EBF1: variants seen among roughly 807,000 people sequenced by gnomAD.
The protein encoded by EBF1 is transcription factor COE1.
Under a neutral mutation model 68.4 loss-of-function variants are expected in EBF1, and 10 were observed. The ratio of observed to expected loss-of-function variants is 0.15; its 90% CI spans 0.09 to 0.25. The LOEUF is 0.25. EBF1 is among the 10% of genes least tolerant of loss of function. EBF1 has a pLI of 1.00. For synonymous variants in EBF1, 298 were observed against 299.8 expected (o/e 0.99, Z 0.06); for missense variants, 509 against 794.4 (o/e 0.64, Z 4.32).
At chr5:158,949,631 C>A (rs747085343) in intron 6 of EBF1, among the ~76,000 whole-genome samples, 2 of 152,144 alleles carry the variant, frequency 1.3e-5, no homozygotes, top group Admixed American at 6.5e-5. Flanking sequence ...TGACCCACAC[C>A]CAATCTAGAC....
At chr5:158,980,945 A>G (rs1265950371) in intron 6 of EBF1, among the ~76,000 whole-genome samples, 3 of 152,234 alleles carry the variant, frequency 2.0e-5, no homozygotes, top group East Asian at 1.9e-4. Flanking sequence ...AGGCTATAAT[A>G]TAATTGCTAA....
intron 6 of EBF1, among the ~76,000 whole-genome samples, chr5:158,961,070 A>T (rs962358148): frequency 6.6e-6 from 1 of 152,250 alleles, no homozygotes; most frequent in Non-Finnish European, 1.5e-5. Flanking sequence ...CAAAAACACA[A>T]AGAAAAATAT....
intron 6 of EBF1, among the ~76,000 whole-genome samples, chr5:158,946,340 C>T (rs536621060): frequency 6.6e-6 from 1 of 152,264 alleles, no homozygotes; most frequent in African/African-American, 2.4e-5. Flanking sequence ...TTGGTCTTTG[C>T]TATTGGTGAC....
chr5:158,762,870 T>C (rs990947876), intron 10 of EBF1, among the ~76,000 whole-genome samples: 3 of 151,992 alleles, frequency 2.0e-5, no homozygotes, highest in East Asian at 3.9e-4. Context: ...CATGGAAAAA[T>C]TGAATGATAC....
chr5:159,000,516 C>T (rs1762326992), intron 6 of EBF1, among the ~76,000 whole-genome samples: 1 of 152,142 alleles, frequency 6.6e-6, no homozygotes, highest in Non-Finnish European at 1.5e-5. Flanking sequence ...TATGGCTTTT[C>T]AAACTTGTGT....
intron 10 of EBF1, among the ~76,000 whole-genome samples, chr5:158,765,302 C>T (rs1334288704): frequency 6.6e-6 from 1 of 152,142 alleles, no homozygotes; most frequent in Non-Finnish European, 1.5e-5. Context: ...GACACTCCTT[C>T]ATCTAAACCT....
chr5:158,851,794 A>G (rs567687641), intron 6 of EBF1, among the ~76,000 whole-genome samples: 681 of 74,698 alleles, frequency 9.1e-3, no homozygotes, highest in Non-Finnish European at 0.013. Context: ...GAAGGGAAGG[A>G]AAGGGAAGGA....
intron 6 of EBF1, among the ~76,000 whole-genome samples, chr5:158,901,375 A>G (rs1273519520): frequency 6.6e-6 from 1 of 152,234 alleles, no homozygotes; most frequent in African/African-American, 2.4e-5. Context: ...CTGGGCTTGA[A>G]GTCCATGACA....
chr5:158,800,034 T>C (rs1780305559), intron 8 of EBF1, among the ~76,000 whole-genome samples: 1 of 152,130 alleles, frequency 6.6e-6, no homozygotes, highest in Admixed American at 6.6e-5. Flanking sequence ...GCTAAAACTA[T>C]AGGTACCCAA....
intron 6 of EBF1, among the ~76,000 whole-genome samples, chr5:158,901,929 A>G (rs2127298611): frequency 6.6e-6 from 1 of 152,258 alleles, no homozygotes; most frequent in South Asian, 2.1e-4. Flanking sequence ...TGTCTCTACT[A>G]AAAATACAAA....
At chr5:158,730,669 T>C (rs1763915414) in intron 11 of EBF1, among the ~76,000 whole-genome samples, 1 of 152,218 alleles carries the variant, frequency 6.6e-6, no homozygotes, top group South Asian at 2.1e-4. Context: ...CTTTTTCTTT[T>C]GAGAATTGGT....
Position 158,768,533 on chromosome 5 carries a change from A to G in EBF1, c.1036+8880T>C, listed in dbSNP as rs139454775. On this transcript the variant is annotated intron_variant, in intron 10 of 15. Coordinates refer to ENST00000313708, the MANE Select transcript of EBF1 (RefSeq NM_024007.5). ...CGGTAGGAATGTAAGCAATTTCAAT[A>G]TTATTTTAATTATGTTTTATTGGTG... is the stretch of plus-strand genomic sequence containing the variant. Among the ~76,000 whole-genome samples the G allele has an allele frequency of 3.0e-3, 455 of 152,228 alleles. 2 individuals carry two copies. Among genetic ancestry groups the G allele is most frequent in the African/African-American group, 0.01 (429 of 41,550 alleles).
chr5:158,724,881 G>C (rs963762921), intron 11 of EBF1, among the ~76,000 whole-genome samples: 12 of 152,164 alleles, frequency 7.9e-5, no homozygotes, highest in African/African-American at 2.7e-4. Flanking sequence ...TAAATATTCA[G>C]CATGAGGCTA....
chr5:159,056,222 G>C (rs913812996), intron 6 of EBF1, among the ~76,000 whole-genome samples: 3 of 152,194 alleles, frequency 2.0e-5, no homozygotes, highest in Non-Finnish European at 4.4e-5. Context: ...TTAGTGGATT[G>C]ATACTGGGAA....
At chr5:158,718,297 C>T (rs757819785) in intron 11 of EBF1, among the ~76,000 whole-genome samples, 2 of 152,150 alleles carry the variant, frequency 1.3e-5, no homozygotes, top group Non-Finnish European at 2.9e-5. Flanking sequence ...CATCTTTGTC[C>T]AGTCATCTCT....
chr5:159,033,490 G>T (rs1769367586), intron 6 of EBF1, among the ~76,000 whole-genome samples: 1 of 152,216 alleles, frequency 6.6e-6, no homozygotes, highest in Non-Finnish European at 1.5e-5. Flanking sequence ...AGAGGATGCA[G>T]ACAGGAAACT....
chr5:158,777,267 TG>T, intron 10 of EBF1, 145 bp downstream of exon 10: 1 of 916,504 alleles, frequency 1.1e-6, no homozygotes, highest in South Asian at 3.7e-5. Flanking sequence ...GCACCATGTT[TG>T]GTCATACATA....
intron 15 of EBF1, among the ~76,000 whole-genome samples, chr5:158,703,967 C>T (rs1037345985): frequency 7.2e-5 from 11 of 152,188 alleles, no homozygotes; most frequent in Admixed American, 1.3e-4. Flanking sequence ...ATTTTGAGGG[C>T]AGGATTTTGT....
intron 5 of EBF1, among the ~76,000 whole-genome samples, chr5:159,080,869 A>G (rs1040030379): frequency 5.9e-5 from 9 of 152,384 alleles, no homozygotes; most frequent in Admixed American, 2.0e-4. Context: ...GATTGTGGGC[A>G]AAAAGTTACA....
Sources: allele counts gnomAD v4.1 joint callset (sites outside exome capture counted in the v4.1 genomes callset), GRCh38; gene constraint gnomAD v4.1.1; transcripts MANE v1.5; gene names NCBI Gene and HGNC (gene_info 2026-07-23, HGNC 2026-07-21).